SLC4A7: variants seen among roughly 807,000 people sequenced by gnomAD.
The protein encoded by SLC4A7 is sodium bicarbonate cotransporter 3.
In SLC4A7, 51 loss-of-function variants were observed where a neutral mutation model predicts 137.6. That is an observed-to-expected ratio of 0.37 (90% CI 0.30 to 0.47). The LOEUF (loss-of-function observed/expected upper bound fraction) is 0.47. Among genes scored for constraint, SLC4A7 ranks in the 20% least tolerant of loss-of-function variants. The pLI is 1.00. For synonymous variants in SLC4A7, 542 were observed against 518.6 expected (o/e 1.05, Z -0.61); for missense variants, 1,247 against 1,525.4 (o/e 0.82, Z 3.04).
At chr3:27,431,777 CAA>C in intron 6 of SLC4A7, 108 bp from the exon 7 acceptor site, 1 of 1,113,260 alleles carries the variant, frequency 9.0e-7, no homozygotes, top group South Asian at 2.2e-5. Context: ...TTCAAAGGCC[CAA>C]AATTTCAAAG....
intron 12 of SLC4A7, among the ~76,000 whole-genome samples, chr3:27,409,750 C>T (rs771413253): frequency 2.0e-5 from 3 of 152,028 alleles, no homozygotes; most frequent in Non-Finnish European, 4.4e-5. Context: ...CTGTATTTTA[C>T]GGACTATATA....
At position 27,433,921 on chromosome 3, in the gene SLC4A7, CT is replaced by C; in HGVS notation, c.772del (p.Arg258GlyfsTer24). The C allele has an allele frequency of 6.2e-7, 1 of 1,613,560 alleles. No individual in the cohort carries two copies. Among genetic ancestry groups the C allele is most frequent in the Non-Finnish European group, 8.5e-7 (1 of 1,179,768 alleles). On this transcript the variant is annotated frameshift_variant, in exon 6 of 26. Transcript: ENST00000454389. LOFTEE classifies it high-confidence loss of function. ...GATGCCACAACTTATCTCACCATTC[CT>C]TTCAAGCAAGTGAGGGTCAGAATGT... is the stretch of plus-strand genomic sequence containing the variant. ...KKHSDPHLLE[R>X]NGEGLSASRH... is the part of the protein sequence containing the mutation.
chr3:27,414,612 C>T (rs2054213929), intron 11 of SLC4A7, among the ~76,000 whole-genome samples: 1 of 152,126 alleles, frequency 6.6e-6, no homozygotes, highest in South Asian at 2.1e-4. Flanking sequence ...TAGAAGGATC[C>T]ATGTTGCAAA....
At chr3:27,412,233 C>T (rs2053970558) in intron 11 of SLC4A7, among the ~76,000 whole-genome samples, 1 of 152,206 alleles carries the variant, frequency 6.6e-6, no homozygotes, top group African/African-American at 2.4e-5. Context: ...CAAAAATCCA[C>T]TTCCCATTAC....
intron 1 of SLC4A7, among the ~76,000 whole-genome samples, chr3:27,460,635 T>C (rs2058649182): frequency 6.6e-6 from 1 of 152,222 alleles, no homozygotes; most frequent in Non-Finnish European, 1.5e-5. Flanking sequence ...CTGAGTGATG[T>C]TCAGCTCATA....
intron 13 of SLC4A7, among the ~76,000 whole-genome samples, chr3:27,408,459 T>C (rs2053594517): frequency 6.6e-6 from 1 of 152,216 alleles, no homozygotes; most frequent in South Asian, 2.1e-4. Flanking sequence ...CCAAAATAAA[T>C]TCAGAGTTGA....
rs1291968126 is a variant in SLC4A7 at position 27,373,894 on chromosome 3, A to AAC, written c.*2868_*2869dup. ...CTTTACAGAAGACTTGGCAAATATG[A>AAC]ACAATGGGATGCCACAGCTTTTTAA... On this transcript the variant is annotated 3_prime_UTR_variant, in exon 26 of 26. Transcript: ENST00000454389. 1 of 152,606 alleles carries AAC rather than the reference A, an allele frequency of 6.6e-6. No individual in the cohort carries two copies. The highest frequency in any genetic ancestry group is 1.5e-5 in the Non-Finnish European group (1 of 67,970). 9.5% of individuals were successfully genotyped at this position (152,606 alleles called of 1,614,324 possible). A position where few individuals can be genotyped will look rare whatever the true frequency, so the allele number is the denominator to read the frequency against.
Position 27,391,796 on chromosome 3 carries a change from G to C in SLC4A7, c.3130C>G (p.Pro1044Ala). 6.3e-7 allele frequency: 1 copy of C among 1,589,852 alleles called. No homozygotes were observed. Among genetic ancestry groups the C allele is most frequent in the Non-Finnish European group, 8.6e-7 (1 of 1,162,974 alleles). ...TAAAGGAAAACACCATACAGAACAG[G>C]CATTGGAATAAACTGTAAATAAAAT... is the stretch of plus-strand genomic sequence containing the variant. Reference protein sequence around the residue: ...MTSVLKFIPMPVLYGVFLYMG... With the variant: ...MTSVLKFIPMAVLYGVFLYMG... Residue 1044 changes from proline to alanine, a missense_variant, in exon 21 of 26, where the codon CCT (proline) becomes GCT (alanine). Pro to Ala is a conservative substitution (Grantham distance 27). Coordinates refer to ENST00000454389, the MANE Select transcript of SLC4A7 (RefSeq NM_001321103.2).
chr3:27,419,343 C>A (rs935423645), intron 10 of SLC4A7, among the ~76,000 whole-genome samples: 1 of 151,532 alleles, frequency 6.6e-6, no homozygotes, highest in Non-Finnish European at 1.5e-5. Flanking sequence ...CCGAGGCAGG[C>A]GGATCGCCTG....
intron 22 of SLC4A7, among the ~76,000 whole-genome samples, chr3:27,386,361 AAGT>A (rs2050955352): frequency 2.6e-5 from 4 of 152,120 alleles, no homozygotes; most frequent in Admixed American, 2.6e-4. Context: ...CATATTATGT[AAGT>A]ATATATAATT....
intron 1 of SLC4A7, 54 bp from the exon 2 acceptor site, chr3:27,452,552 A>AT (rs2058145057): frequency 1.8e-6 from 2 of 1,138,324 alleles, no homozygotes; most frequent in African/African-American, 1.6e-5. Flanking sequence ...TTGAGGACCT[A>AT]TTATATGCAT....
chr3:27,411,788 T>C (rs761723157), intron 11 of SLC4A7, 40 bp from the exon 12 acceptor site: 74 of 1,156,030 alleles, frequency 6.4e-5, no homozygotes, highest in Middle Eastern at 4.1e-4. Context: ...AATTCTATTT[T>C]AAGAAAACTT....
chr3:27,379,236 T>G lies in SLC4A7; in HGVS notation c.3698+13A>C, dbSNP rs1216783543. ...TGGCTACAGTTAGAAAACACACAAA[T>G]AGTTATAACTACCTCATGTTAGATC... On this transcript the variant is annotated intron_variant, in intron 25 of 25. Coordinates refer to ENST00000454389, the MANE Select transcript of SLC4A7 (RefSeq NM_001321103.2). 2 of 1,410,926 alleles carry G rather than the reference T, an allele frequency of 1.4e-6. No individual in the cohort carries two copies. Among genetic ancestry groups the G allele is most frequent in the Admixed American group, 3.9e-5 (2 of 50,788 alleles). 87.4% of individuals were successfully genotyped at this position (1,410,926 alleles called of 1,614,324 possible).
At chr3:27,431,750 C>T in intron 6 of SLC4A7, 81 bp from the exon 7 acceptor site, 1 of 1,409,716 alleles carries the variant, frequency 7.1e-7, no homozygotes, top group African/African-American at 1.4e-5. Flanking sequence ...AATCAATTTA[C>T]ACTATAAATT....
chr3:27,433,117 A>G (rs899764924), intron 6 of SLC4A7: 3 of 152,158 alleles, frequency 2.0e-5, no homozygotes, highest in Non-Finnish European at 4.4e-5. Context: ...AAGTCATACT[A>G]TTATTTCAGG....
In SLC4A7 at chr3:27,403,442, A is replaced by T. The variant is rs940249565; in HGVS notation, c.2076-58T>A. Reference sequence around the variant, plus strand: ...CATATGTGGAATAGTATTTGTACCTAAAATTTTTCATTGCAAGCAATGGGA... The same window carrying T: ...CATATGTGGAATAGTATTTGTACCTTAAATTTTTCATTGCAAGCAATGGGA... On this transcript the variant is annotated intron_variant, in intron 14 of 25. Coordinates refer to ENST00000454389, the MANE Select transcript of SLC4A7 (RefSeq NM_001321103.2). 7.5e-5 allele frequency: 93 copies of T among 1,242,316 alleles called. No individual in the cohort carries two copies. In the Middle Eastern group the frequency reaches 8.1e-4, roughly 11 times the overall value. 77.0% of individuals were successfully genotyped at this position (1,242,316 alleles called of 1,614,324 possible).
intron 14 of SLC4A7, 151 bp downstream of exon 14, chr3:27,404,679 G>T: frequency 1.7e-6 from 1 of 592,542 alleles, no homozygotes; most frequent in Non-Finnish European, 2.9e-6. Context: ...AATGGAAGGG[G>T]CCAGAGGATG....
At chr3:27,406,766 CA>C (rs1465848955) in intron 13 of SLC4A7, among the ~76,000 whole-genome samples, 1 of 151,720 alleles carries the variant, frequency 6.6e-6, no homozygotes, top group African/African-American at 2.4e-5. Flanking sequence ...CTGGTCTCTA[CA>C]AAAAAATACA....
intron 1 of SLC4A7, among the ~76,000 whole-genome samples, chr3:27,479,423 C>A (rs199739661): frequency 7.6e-4 from 108 of 142,212 alleles, no homozygotes; most frequent in African/African-American, 8.3e-4. Flanking sequence ...GCCTCAGCAA[C>A]AAAAAAAAAA....
Sources: allele counts gnomAD v4.1 joint callset (sites outside exome capture counted in the v4.1 genomes callset), GRCh38; gene constraint gnomAD v4.1.1; transcripts MANE v1.5; gene names NCBI Gene and HGNC (gene_info 2026-07-23, HGNC 2026-07-21).